PRSS56: variants seen among roughly 807,000 people sequenced by gnomAD.
The protein encoded by PRSS56 is protease, serine 56.
Under a neutral mutation model 66.8 loss-of-function variants are expected in PRSS56, and 55 were observed. The ratio of observed to expected loss-of-function variants is 0.82; its 90% CI spans 0.66 to 1.03. The LOEUF (loss-of-function observed/expected upper bound fraction) is 1.03, where lower values mean the gene tolerates loss of function less well. Ranked by LOEUF, PRSS56 falls within the 50% of genes least tolerant of loss-of-function variation. PRSS56 has a pLI of 0.00. For synonymous variants in PRSS56, 409 were observed against 387.9 expected (o/e 1.05, Z -0.64); for missense variants, 869 against 837.2 (o/e 1.04, Z -0.47).
At position 232,524,132 on chromosome 2, in the gene PRSS56, C is replaced by T. The variant is rs1035587763; in HGVS notation, c.1280C>T (p.Ala427Val). 1.3e-6 allele frequency: 2 copies of T among 1,510,896 alleles called. No individual in the cohort carries two copies. Among genetic ancestry groups the T allele is most frequent in the Admixed American group, 2.1e-5 (1 of 48,104 alleles). The allele number at this position is 1,510,896 out of a possible 1,614,324, so 93.6% of individuals were successfully genotyped here. ...CCGGGACTGCGGCGCCTGGCCCCCGCCCTGGCTCTCCCCGCTCCAGCGCTC... is the reference window on the plus strand; with the variant it reads ...CCGGGACTGCGGCGCCTGGCCCCCGTCCTGGCTCTCCCCGCTCCAGCGCTC... ...PRPGLRRLAP[A>V]LALPAPALRE... The change falls in exon 10 of 13, where the codon GCC becomes GTC. Residue 427 changes from alanine (A) to valine (V), a missense_variant. Ala to Val is a moderately conservative substitution (Grantham distance 64). Transcript: ENST00000617714.
At chr2:232,520,967 G>A (rs1358405350) in intron 1 of PRSS56, among the ~76,000 whole-genome samples, 4 of 152,232 alleles carry the variant, frequency 2.6e-5, no homozygotes, top group Non-Finnish European at 5.9e-5. Flanking sequence ...GCAGCACCCT[G>A]CCCTTGGCTG....
intron 1 of PRSS56, 75 bp downstream of exon 1, chr2:232,520,770 C>A: frequency 1.0e-6 from 1 of 982,406 alleles, no homozygotes; most frequent in Non-Finnish European, 1.5e-6. Flanking sequence ...CGGGCGGGGA[C>A]AGAAGAGCTT....
intron 2 of PRSS56, 69 bp from the exon 3 acceptor site, chr2:232,521,747 C>A (rs1691281751): frequency 1.4e-6 from 2 of 1,460,312 alleles, no homozygotes; most frequent in South Asian, 1.2e-5. Flanking sequence ...GAGAGAGAGG[C>A]TCGGCCCAGC....
intron 4 of PRSS56, 49 bp from the exon 5 acceptor site, chr2:232,522,466 G>A (rs1222560221): frequency 6.9e-7 from 1 of 1,444,740 alleles, no homozygotes; most frequent in Admixed American, 2.1e-5. Flanking sequence ...AGGGGCCTGC[G>A]GGGTGTGCCC....
rs1691295053 is a variant in PRSS56 at position 232,522,230 on chromosome 2, CG to C, written c.446+72del. ...TGGGCCCCGCACCTGCCGGGTTGTC[CG>C]GCGGGCGACGCGCGGGAAAGGTGGT... On this transcript the variant is annotated intron_variant, in intron 4 of 12. Coordinates refer to ENST00000617714, the MANE Select transcript of PRSS56 (RefSeq NM_001195129.2). 3 of 1,308,774 alleles carry C rather than the reference CG, an allele frequency of 2.3e-6. No homozygotes were observed. The East Asian group carries it at 9.3e-5, about 41-fold the overall frequency. 81.1% of individuals were successfully genotyped at this position (1,308,774 alleles called of 1,614,324 possible).
intron 11 of PRSS56, 35 bp downstream of exon 11, chr2:232,524,404 T>C (rs1370483658): frequency 4.6e-6 from 7 of 1,528,508 alleles, no homozygotes; most frequent in Non-Finnish European, 6.1e-6. Flanking sequence ...CAGGAGGGGA[T>C]AGGCTGAGGG....
chr2:232,525,014 G>A (rs543941420), intron 12 of PRSS56, among the ~76,000 whole-genome samples, 170 bp downstream of exon 12: 22 of 151,882 alleles, frequency 1.4e-4, no homozygotes, highest in Non-Finnish European at 2.2e-4. Context: ...TGGGGCCTGC[G>A]GAGTGTGAGC....
In PRSS56 at chr2:232,520,551, C is replaced by A; in HGVS notation, c.-48C>A. ...AGGATAGGCACCCGGAAGGTGGACTCCGAGGAGGAGAGAGGACAGGGGTCT... is the reference window on the plus strand; with the variant it reads ...AGGATAGGCACCCGGAAGGTGGACTACGAGGAGGAGAGAGGACAGGGGTCT... On this transcript the variant is annotated 5_prime_UTR_variant, in exon 1 of 13. Coordinates refer to ENST00000617714, the MANE Select transcript of PRSS56 (RefSeq NM_001195129.2). 6.8e-7 allele frequency: 1 copy of A among 1,471,402 alleles called. No homozygotes were observed. The allele number at this position is 1,471,402 out of a possible 1,614,324, so 91.1% of individuals were successfully genotyped here.
rs1449238043 is a variant in PRSS56, at chr2:232,523,546, T to C, written c.980T>C (p.Val327Ala). The change falls in exon 8 of 13, where the codon GTG becomes GCG. Residue 327 changes from valine to alanine, a missense_variant. Val to Ala is a moderately conservative substitution (Grantham distance 64). Transcript: ENST00000617714. The stretch of plus-strand genomic sequence containing the variant: ...CCCGGGGTCTACACCCGCGTGGCAG[T>C]GTTCAAGGACTGGCTCCAGGAGCAG... Reference protein sequence around the residue: ...GKPGVYTRVAVFKDWLQEQMS... With the variant: ...GKPGVYTRVAAFKDWLQEQMS... 9 of 1,531,844 alleles carry C rather than the reference T, an allele frequency of 5.9e-6. No individual in the cohort carries two copies. The highest frequency in any genetic ancestry group is 7.9e-6 in the Non-Finnish European group (9 of 1,145,458). The allele number at this position is 1,531,844 out of a possible 1,614,324, so 94.9% of individuals were successfully genotyped here. A position where few individuals can be genotyped will look rare whatever the true frequency, so the allele number is the denominator to read the frequency against.
In PRSS56 at chr2:232,521,951, C is replaced by T; in HGVS notation, c.257-20C>T. Reference sequence around the variant, plus strand: ...GATGGCCAGAACATGTCCCTCGTGACACCCCTTGCCCCTTTCTAGGGCCGT... The same window carrying T: ...GATGGCCAGAACATGTCCCTCGTGATACCCCTTGCCCCTTTCTAGGGCCGT... On this transcript the variant is annotated intron_variant, in intron 3 of 12. Coordinates refer to ENST00000617714, the MANE Select transcript of PRSS56 (RefSeq NM_001195129.2). The T allele has an allele frequency of 6.6e-7, 1 of 1,504,710 alleles. No individual in the cohort carries two copies. Among genetic ancestry groups the T allele is most frequent in the Admixed American group, 2.1e-5 (1 of 48,342 alleles). 93.2% of individuals were successfully genotyped at this position (1,504,710 alleles called of 1,614,324 possible).
rs1196691019 is a variant in PRSS56, at chr2:232,524,060, C to A, written c.1208C>A (p.Thr403Lys). Reference protein sequence around the residue: ...RRCELRSLAHTLLGLLRNAQE... With the variant: ...RRCELRSLAHKLLGLLRNAQE... ...GCAGAGCTGCGCTCGCTGGCGCACACGCTGCTGGGCCTGCTGCGGAACGCG... is the reference window on the plus strand; with the variant it reads ...GCAGAGCTGCGCTCGCTGGCGCACAAGCTGCTGGGCCTGCTGCGGAACGCG... The change falls in exon 10 of 13, where the codon ACG becomes AAG. Residue 403 changes from threonine to lysine, a missense_variant. Physicochemically the swap from Thr to Lys is moderately conservative, Grantham distance 78 (BLOSUM62 -1). This residue lies in a region of PRSS56 where 551 missense variants were observed against 506.9 expected (regional missense o/e 1.09). Transcript: ENST00000617714. The A allele has an allele frequency of 5.2e-6, 8 of 1,523,814 alleles. No homozygotes were observed. The highest frequency in any genetic ancestry group is 2.0e-4 in the Middle Eastern group (1 of 5,034). The allele number at this position is 1,523,814 out of a possible 1,614,324, so 94.4% of individuals were successfully genotyped here.
chr2:232,522,262 C>T (rs1251023536), intron 4 of PRSS56, 102 bp downstream of exon 4: 4 of 1,142,704 alleles, frequency 3.5e-6, no homozygotes, highest in Non-Finnish European at 3.4e-6. Context: ...GTGGTCTCTG[C>T]TGCCCCCTGG....
At chr2:232,522,226 T>G in intron 4 of PRSS56, 66 bp downstream of exon 4, 1 of 1,328,046 alleles carries the variant, frequency 7.5e-7, no homozygotes. Flanking sequence ...CCTGCCGGGT[T>G]GTCCGGCGGG....
intron 12 of PRSS56, among the ~76,000 whole-genome samples, 160 bp downstream of exon 12, chr2:232,525,004 T>A (rs1008942433): frequency 2.5e-5 from 1 of 39,430 alleles, no homozygotes; most frequent in Non-Finnish European, 4.9e-5. Flanking sequence ...GGGAAGGGAG[T>A]GGGGCCTGCG....
chr2:232,525,468 C>G lies in PRSS56; in HGVS notation c.1774C>G (p.Pro592Ala). ...GPGLERKGHHPLNPQVPPARQ... is the reference protein window; with the variant it reads ...GPGLERKGHHALNPQVPPARQ... ...CGGGCTGGAGAGGAAGGGGCACCAC[C>G]CACTCAACCCTCAGGTACCCCCCGC... Residue 592 changes from proline (P) to alanine (A), a missense_variant, in exon 13 of 13, where the codon CCA becomes GCA. By Grantham distance (27) the Pro-to-Ala change is conservative (BLOSUM62 -1). Coordinates refer to ENST00000617714, the MANE Select transcript of PRSS56 (RefSeq NM_001195129.2). 4 of 1,513,102 alleles carry G rather than the reference C, an allele frequency of 2.6e-6. No homozygotes were observed. Among genetic ancestry groups the G allele is most frequent in the Non-Finnish European group, 3.5e-6 (4 of 1,131,656 alleles). The allele number at this position is 1,513,102 out of a possible 1,614,324, so 93.7% of individuals were successfully genotyped here.
At chr2:232,522,672 C>T (rs960940993) in intron 5 of PRSS56, 30 bp from the exon 6 acceptor site, 2 of 1,533,494 alleles carry the variant, frequency 1.3e-6, no homozygotes, top group African/African-American at 2.7e-5. Flanking sequence ...CCCGTGCTTC[C>T]TTGACCCTGC....
chr2:232,523,879 C>T lies in PRSS56; in HGVS notation c.1120C>T (p.Pro374Ser). 1 of 1,529,138 alleles carries T rather than the reference C, an allele frequency of 6.5e-7. No individual in the cohort carries two copies. The highest frequency in any genetic ancestry group is 8.7e-7 in the Non-Finnish European group (1 of 1,143,352). 94.7% of individuals were successfully genotyped at this position (1,529,138 alleles called of 1,614,324 possible). Residue 374 changes from proline to serine, a missense_variant, in exon 9 of 13, where the codon CCG becomes TCG. Pro to Ser is a moderately conservative substitution (Grantham distance 74). Around this residue, in one of 3 missense-constraint regions of PRSS56, gnomAD observed 551 missense variants for 506.9 expected, o/e 1.09. Coordinates refer to ENST00000617714, the MANE Select transcript of PRSS56 (RefSeq NM_001195129.2). ...CTGCGCCTTCTATGCCCGCCTGTGCCCGGGGTCCCAGGGCGCCTGTGCGCG... is the reference window on the plus strand; with the variant it reads ...CTGCGCCTTCTATGCCCGCCTGTGCTCGGGGTCCCAGGGCGCCTGTGCGCG... ...RLCAFYARLC[P>S]GSQGACARLA... is the part of the protein sequence containing the mutation.
chr2:232,525,093 A>G (rs1691393812), intron 12 of PRSS56, 123 bp from the exon 13 acceptor site: 1 of 1,030,192 alleles, frequency 9.7e-7, no homozygotes, highest in Admixed American at 2.9e-5. Flanking sequence ...ATGAGCGGGA[A>G]ATGAGCAGGG....
intron 2 of PRSS56, 116 bp downstream of exon 2, chr2:232,521,544 G>A: frequency 2.2e-6 from 2 of 915,520 alleles, no homozygotes; most frequent in Non-Finnish European, 3.4e-6. Context: ...AGACTGTGTT[G>A]GGCCGCAACC....
Sources: gnomAD v4.1 joint callset for allele counts (sites outside exome capture counted in the v4.1 genomes callset) on GRCh38, gnomAD v4.1.1 for gene constraint, gnomAD v4.1.1 regional missense constraint, MANE v1.5 for transcripts, NCBI Gene and HGNC (gene_info 2026-07-23, HGNC 2026-07-21) for gene names.